The following NREP variants were observed in gnomAD, a reference collection of about 807,000 sequenced individuals.
The protein encoded by NREP is neuronal regeneration related protein.
NREP carries 5 observed loss-of-function variants against 8.6 expected under a neutral mutation model. The ratio of observed to expected loss-of-function variants is 0.58; its 90% CI spans 0.30 to 1.22. The LOEUF (loss-of-function observed/expected upper bound fraction) is 1.22. Ranked by LOEUF, NREP falls within the 50% of genes most tolerant of loss-of-function variation. NREP has a pLI of 0.07. For missense variants in NREP, 86 were observed against 82.5 expected (o/e 1.04, Z -0.17); for synonymous variants, 27 against 28.0 (o/e 0.96, Z 0.11).
rs916795612 is a variant in NREP, at chr5:111,886,027, G to C, written c.135+89247C>G. On this transcript the variant is annotated intron_variant, in intron 2 of 3. Transcript: ENST00000395634. ...CAGCAAAAGAAACTACCATCAGAGTGAACAGGCAGCCTCCAAAATGGGAGA... is the reference window on the plus strand; with the variant it reads ...CAGCAAAAGAAACTACCATCAGAGTCAACAGGCAGCCTCCAAAATGGGAGA... Among the ~76,000 whole-genome samples, 352 of 152,320 alleles carry C rather than the reference G, an allele frequency of 2.3e-3. 3 individuals carry two copies. Among genetic ancestry groups the C allele is most frequent in the African/African-American group, 8.0e-3 (331 of 41,576 alleles).
At chr5:111,847,686 G>A (rs1040384108) in intron 2 of NREP, among the ~76,000 whole-genome samples, 1 of 152,126 alleles carries the variant, frequency 6.6e-6, no homozygotes, top group Non-Finnish European at 1.5e-5. Flanking sequence ...TGGAGACAAG[G>A]TCAAATTTCT....
intron 2 of NREP, among the ~76,000 whole-genome samples, chr5:111,954,082 A>G (rs1756241729): frequency 6.6e-6 from 1 of 152,148 alleles, no homozygotes; most frequent in Non-Finnish European, 1.5e-5. Context: ...GCTTTCAGCC[A>G]AGCACATGAT....
intron 2 of NREP, among the ~76,000 whole-genome samples, chr5:111,930,264 A>T (rs764424600): frequency 6.6e-6 from 1 of 152,100 alleles, no homozygotes; most frequent in Non-Finnish European, 1.5e-5. Flanking sequence ...ACAGCTCAGG[A>T]TTTCTCTTTA....
chr5:111,808,642 T>G (rs948334562), intron 2 of NREP, among the ~76,000 whole-genome samples: 1 of 152,226 alleles, frequency 6.6e-6, no homozygotes, highest in Non-Finnish European at 1.5e-5. Flanking sequence ...TCTGCTGGAA[T>G]CATTTCTACT....
Position 111,730,150 on chromosome 5 carries a change from A to G in NREP, c.*771T>C, listed in dbSNP as rs1040427271. On this transcript the variant is annotated 3_prime_UTR_variant, in exon 4 of 4. Transcript: ENST00000257435. ...ACTGCATGTCCGTGAGCGCCAGCCA[A>G]CGAGACAATGGTCTCTCACACTCTG... The G allele has an allele frequency of 6.6e-6, 1 of 152,590 alleles. No individual in the cohort carries two copies. Among genetic ancestry groups the G allele is most frequent in the Non-Finnish European group, 1.5e-5 (1 of 68,046 alleles). 9.5% of individuals were successfully genotyped at this position (152,590 alleles called of 1,614,324 possible). A position where few individuals can be genotyped will look rare whatever the true frequency, so the allele number is the denominator to read the frequency against.
chr5:111,925,783 T>C (rs1046064998), intron 2 of NREP, among the ~76,000 whole-genome samples: 2 of 152,172 alleles, frequency 1.3e-5, no homozygotes, highest in Admixed American at 6.5e-5. Flanking sequence ...CCCTCCAGTA[T>C]GCACATTAAA....
chr5:111,765,228 G>C (rs983308797), intron 2 of NREP, among the ~76,000 whole-genome samples: 1 of 152,108 alleles, frequency 6.6e-6, no homozygotes, highest in African/African-American at 2.4e-5. Context: ...TCACAGTAGG[G>C]TTCACAGTCC....
At chr5:111,876,161 T>C (rs1367614750) in intron 2 of NREP, among the ~76,000 whole-genome samples, 1 of 152,154 alleles carries the variant, frequency 6.6e-6, no homozygotes, top group Non-Finnish European at 1.5e-5. Flanking sequence ...TAGCCCTTTT[T>C]ACTGGCACAG....
At chr5:111,874,124 G>C (rs1167192218) in intron 2 of NREP, among the ~76,000 whole-genome samples, 3 of 151,882 alleles carry the variant, frequency 2.0e-5, no homozygotes, top group Admixed American at 2.0e-4. Flanking sequence ...TTCTCTGCAG[G>C]GTTCATTGGG....
chr5:111,844,446 A>G (rs945686994), intron 2 of NREP, among the ~76,000 whole-genome samples: 1 of 151,504 alleles, frequency 6.6e-6, no homozygotes, highest in Non-Finnish European at 1.5e-5. Flanking sequence ...TTTATGCACA[A>G]TTTAAAGCAT....
chr5:111,917,927 T>A (rs1213669948), intron 2 of NREP, among the ~76,000 whole-genome samples: 1 of 152,170 alleles, frequency 6.6e-6, no homozygotes, highest in Admixed American at 6.6e-5. Context: ...TTGTCTCTGT[T>A]TGCAGATGAC....
At chr5:111,822,928 C>T (rs1437378655) in intron 2 of NREP, among the ~76,000 whole-genome samples, 1 of 152,026 alleles carries the variant, frequency 6.6e-6, no homozygotes, top group Non-Finnish European at 1.5e-5. Flanking sequence ...AAACTAAAAG[C>T]CATATGTTTT....
At position 111,910,446 on chromosome 5, in the gene NREP, G is replaced by C. The variant is rs577196018; in HGVS notation, c.135+64828C>G. On this transcript the variant is annotated intron_variant, in intron 2 of 3. Coordinates refer to the NREP transcript ENST00000395634. ...CTTTTTTGGGGGGTACTAGTGGCAG[G>C]GTGTTCTCACAACCAAAAAGGCCTT... 3.2e-4 allele frequency among the ~76,000 whole-genome samples: 48 copies of C among 151,888 alleles called. 1 individual carries two copies. The South Asian group carries it at 9.8e-3, about 31-fold the overall frequency.
At chr5:111,754,563 G>A (rs1266381271) in intron 2 of NREP, among the ~76,000 whole-genome samples, 1 of 152,168 alleles carries the variant, frequency 6.6e-6, no homozygotes, top group Non-Finnish European at 1.5e-5. Context: ...TATGACAACA[G>A]CTAATTAAGA....
chr5:111,767,344 T>G (rs192664975), intron 2 of NREP, among the ~76,000 whole-genome samples: 89 of 152,236 alleles, frequency 5.8e-4, no homozygotes, highest in Non-Finnish European at 1.1e-3. Context: ...ATAGGTATAG[T>G]TCACTGGCAG....
At chr5:111,804,699 GA>G (rs58906379) in intron 2 of NREP, among the ~76,000 whole-genome samples, 42 of 147,098 alleles carry the variant, frequency 2.9e-4, no homozygotes, top group African/African-American at 8.2e-4. Flanking sequence ...GAGAATAAGA[GA>G]AAAAAAAAAC....
intron 2 of NREP, among the ~76,000 whole-genome samples, chr5:111,749,946 G>A (rs1225242387): frequency 3.3e-5 from 5 of 152,166 alleles, no homozygotes; most frequent in Admixed American, 6.6e-5. Flanking sequence ...TAACCAGAAA[G>A]TGTAAGTGAG....
chr5:111,965,389 G>A (rs1338822406), intron 2 of NREP, among the ~76,000 whole-genome samples: 4 of 152,130 alleles, frequency 2.6e-5, no homozygotes, highest in Non-Finnish European at 4.4e-5. Flanking sequence ...ATTGGCAGGA[G>A]GTTGTATCTT....
intron 2 of NREP, among the ~76,000 whole-genome samples, chr5:111,911,315 C>G (rs1195973457): frequency 6.6e-6 from 1 of 152,072 alleles, no homozygotes; most frequent in Non-Finnish European, 1.5e-5. Flanking sequence ...TCTAAATAGA[C>G]TGATGAATAT....
Sources: allele counts gnomAD v4.1 joint callset (sites outside exome capture counted in the v4.1 genomes callset), GRCh38; gene constraint gnomAD v4.1.1; transcripts MANE v1.5; gene names NCBI Gene and HGNC (gene_info 2026-07-23, HGNC 2026-07-21).